ATP11B: variants seen among roughly 807,000 people sequenced by gnomAD.
The protein encoded by ATP11B is phospholipid-transporting ATPase IF.
ATP11B carries 81 observed loss-of-function variants against 157.8 expected under a neutral mutation model. The observed-to-expected ratio is 0.51, with a 90% CI of 0.43 to 0.62. The LOEUF (loss-of-function observed/expected upper bound fraction) is 0.62, where lower values mean the gene tolerates loss of function less well. Ranked by LOEUF, ATP11B falls within the 20% of genes least tolerant of loss-of-function variation. The pLI is 0.00. For missense variants in ATP11B, 1,165 were observed against 1,402.2 expected (o/e 0.83, Z 2.70); for synonymous variants, 451 against 469.4 (o/e 0.96, Z 0.51).
intron 1 of ATP11B, among the ~76,000 whole-genome samples, chr3:182,811,881 GTGAGACTGGTAC>G (rs1716688773): frequency 6.6e-6 from 1 of 152,168 alleles, no homozygotes; most frequent in African/African-American, 2.4e-5. Flanking sequence ...CTAGATTGTG[GTGAGACTGGTAC>G]AAAGTAGTTG....
intron 21 of ATP11B, among the ~76,000 whole-genome samples, chr3:182,883,828 G>T (rs960421927): frequency 6.7e-6 from 1 of 148,960 alleles, no homozygotes; most frequent in Admixed American, 6.6e-5. Context: ...AGTGGCGGGC[G>T]CCTGTAGTCC....
intron 1 of ATP11B, among the ~76,000 whole-genome samples, chr3:182,803,257 G>A (rs978934656): frequency 6.6e-6 from 1 of 152,144 alleles, no homozygotes; most frequent in African/African-American, 2.4e-5. Flanking sequence ...CCAGTCTGAT[G>A]GGTGTGAAAT....
intron 4 of ATP11B, among the ~76,000 whole-genome samples, chr3:182,831,012 A>G (rs2108506547): frequency 6.6e-6 from 1 of 152,178 alleles, no homozygotes; most frequent in South Asian, 2.1e-4. Flanking sequence ...ACCTTAGGTA[A>G]TTTCATCCCA....
At chr3:182,803,760 G>GGAAGGA in intron 1 of ATP11B, among the ~76,000 whole-genome samples, 1 of 152,170 alleles carries the variant, frequency 6.6e-6, no homozygotes, top group Non-Finnish European at 1.5e-5. Context: ...TCCTCCACGA[G>GGAAGGA]TCTGTGTTGT....
At chr3:182,861,525 A>T (rs1577038139) in intron 12 of ATP11B, among the ~76,000 whole-genome samples, 1 of 152,278 alleles carries the variant, frequency 6.6e-6, no homozygotes, top group South Asian at 2.1e-4. Flanking sequence ...TGTTACTGTG[A>T]AGTGTGAAAG....
chr3:182,864,581 T>C (rs1461154230), intron 12 of ATP11B, among the ~76,000 whole-genome samples: 2 of 152,144 alleles, frequency 1.3e-5, no homozygotes, highest in African/African-American at 4.8e-5. Context: ...TTTTAAGTGT[T>C]GAGTCAATCT....
chr3:182,828,734 A>G (rs1275576015), intron 3 of ATP11B, among the ~76,000 whole-genome samples: 1 of 149,760 alleles, frequency 6.7e-6, no homozygotes, highest in Non-Finnish European at 1.5e-5. Flanking sequence ...TGTGTTTATT[A>G]TAGGCTGTTA....
chr3:182,836,945 T>G, intron 6 of ATP11B, 126 bp from the exon 7 acceptor site: 1 of 657,122 alleles, frequency 1.5e-6, no homozygotes, highest in Non-Finnish European at 2.6e-6. Flanking sequence ...TTCTCTTCTG[T>G]TGTCTAGCTG....
chr3:182,857,938 C>T lies in ATP11B; in HGVS notation c.912C>T (p.Ser304=). ...TTCTTATATCTGAAGCTGTCATCAG[C>T]ACTATCTTGAAGTATACATGGCAAG... The part of the protein sequence containing the change: ...LVILISEAVI[S]TILKYTWQAE... Residue 304 remains serine (S), a synonymous_variant, in exon 11 of 30, where the codon AGC becomes AGT. Coordinates refer to ENST00000323116, the MANE Select transcript of ATP11B (RefSeq NM_014616.3). 6.3e-7 allele frequency: 1 copy of T among 1,592,896 alleles called. No homozygotes were observed.
At chr3:182,843,746 C>T (rs1308053542) in intron 8 of ATP11B, 1 of 152,162 alleles carries the variant, frequency 6.6e-6, no homozygotes, top group Non-Finnish European at 1.5e-5. Flanking sequence ...CATTCTACCT[C>T]TTTTCTGGGG....
intron 4 of ATP11B, among the ~76,000 whole-genome samples, chr3:182,832,648 T>C (rs746009246): frequency 1.3e-5 from 2 of 152,202 alleles, no homozygotes; most frequent in Admixed American, 6.5e-5. Flanking sequence ...ACTTACACTT[T>C]AATATGAATG....
At position 182,836,119 on chromosome 3, in the gene ATP11B, A is replaced by G; in HGVS notation, c.400A>G (p.Lys134Glu). 6.2e-7 allele frequency: 1 copy of G among 1,613,480 alleles called. No individual in the cohort carries two copies. ...VYVVRSGGLV[K>E]TRSKNIRVGD... ...TGTTGTTCGAAGTGGTGGCCTTGTAAAAACTAGATCAAAAAACATTCGGGT... is the reference window on the plus strand; with the variant it reads ...TGTTGTTCGAAGTGGTGGCCTTGTAGAAACTAGATCAAAAAACATTCGGGT... Residue 134 changes from lysine (K) to glutamate (E), a missense_variant, in exon 5 of 30, where the codon AAA (lysine) becomes GAA (glutamate). Around this residue, in one of 4 missense-constraint regions of ATP11B, gnomAD observed 34 missense variants for 79.6 expected, o/e 0.43. Transcript: ENST00000323116.
At chr3:182,853,582 G>C (rs904135204) in intron 10 of ATP11B, among the ~76,000 whole-genome samples, 1 of 152,054 alleles carries the variant, frequency 6.6e-6, no homozygotes, top group Non-Finnish European at 1.5e-5. Flanking sequence ...ATCAAAAAGC[G>C]TAATATATTT....
chr3:182,859,062 G>C (rs1238823253), intron 11 of ATP11B, 100 bp from the exon 12 acceptor site: 17 of 703,974 alleles, frequency 2.4e-5, no homozygotes, highest in African/African-American at 3.6e-5. Flanking sequence ...TATAGTTGAT[G>C]GTCTATGTAG....
Position 182,917,574 on chromosome 3 carries a change from G to C in ATP11B, c.3453-449G>C, listed in dbSNP as rs911931682. The C allele has an allele frequency of 3.0e-6, 3 of 985,172 alleles. No homozygotes were observed. The African/African-American group carries it at 5.2e-5, about 17-fold the overall frequency. 61.0% of individuals were successfully genotyped at this position (985,172 alleles called of 1,614,324 possible). A position where few individuals can be genotyped will look rare whatever the true frequency, so the allele number is the denominator to read the frequency against. ...AATTATGCGGAAGTCTTTAGAATAG[G>C]ATTTATAGCTGAAATGAAATGATCA... is the stretch of plus-strand genomic sequence containing the variant. On this transcript the variant is annotated intron_variant, in intron 29 of 29. Coordinates refer to ENST00000323116, the MANE Select transcript of ATP11B (RefSeq NM_014616.3).
intron 4 of ATP11B, among the ~76,000 whole-genome samples, chr3:182,835,140 G>A (rs1718450596): frequency 6.6e-6 from 1 of 152,082 alleles, no homozygotes; most frequent in Non-Finnish European, 1.5e-5. Context: ...GGTACAAGAG[G>A]TAGAGGAGGT....
chr3:182,905,749 G>C (rs1024718528), intron 28 of ATP11B: 1 of 456,546 alleles, frequency 2.2e-6, no homozygotes, highest in Non-Finnish European at 4.4e-6. Context: ...ATGGTGAAGA[G>C]TATCATTCTG....
rs758142694 is a variant in ATP11B, at chr3:182,837,178, T to C, written c.656+4T>C. On this transcript the variant is annotated splice_donor_region_variant and intron_variant, in intron 7 of 29. Transcript: ENST00000323116. ...AACCAGAAGCAGACTTATACAGGTA[T>C]GGTGTGATATTCAGTATACTTATTT... The C allele has an allele frequency of 1.9e-6, 3 of 1,579,290 alleles. No homozygotes were observed. The highest frequency in any genetic ancestry group is 2.6e-6 in the Non-Finnish European group (3 of 1,150,038).
At position 182,866,267 on chromosome 3, in the gene ATP11B, G is replaced by C; in HGVS notation, c.1444-1G>C. 6.4e-7 allele frequency: 1 copy of C among 1,551,774 alleles called. No individual in the cohort carries two copies. Among genetic ancestry groups the C allele is most frequent in the Non-Finnish European group, 8.7e-7 (1 of 1,143,736 alleles). On this transcript the variant is annotated splice_acceptor_variant, in intron 13 of 29. Coordinates refer to ENST00000323116, the MANE Select transcript of ATP11B (RefSeq NM_014616.3). LOFTEE classifies it high-confidence loss of function. ...CATGAATATTAATTACATTTTTACA[G>C]ATTAAAGAACATGATCTCTTCTTTA...
Sources: gnomAD v4.1 joint callset for allele counts (sites outside exome capture counted in the v4.1 genomes callset) on GRCh38, gnomAD v4.1.1 for gene constraint, gnomAD v4.1.1 regional missense constraint, MANE v1.5 for transcripts, NCBI Gene and HGNC (gene_info 2026-07-23, HGNC 2026-07-21) for gene names.